The following PCNT variants were observed in gnomAD, a reference collection of about 807,000 sequenced individuals.
PCNT encodes the protein pericentrin.
Under a neutral mutation model 380.4 loss-of-function variants are expected in PCNT, and 319 were observed. That is an observed-to-expected ratio of 0.84 (90% CI 0.77 to 0.92). PCNT has a LOEUF of 0.92. Ranked by LOEUF, PCNT falls within the 40% of genes least tolerant of loss-of-function variation. PCNT has a pLI of 0.00. For synonymous variants in PCNT, 1,845 were observed against 1,735.2 expected (o/e 1.06, Z -1.57); for missense variants, 4,400 against 4,255.3 (o/e 1.03, Z -0.95).
At chr21:46,325,048 C>A (rs997698890) in intron 1 of PCNT, 102 of 985,418 alleles carry the variant, frequency 1.0e-4, no homozygotes, top group Non-Finnish European at 1.2e-4. Context: ...GCGCTCCCGT[C>A]TTTCTCCCGC....
chr21:46,337,669 G>A (rs1049778271), intron 3 of PCNT, among the ~76,000 whole-genome samples: 2 of 152,130 alleles, frequency 1.3e-5, no homozygotes, highest in South Asian at 2.1e-4. Context: ...CGCAATCTCC[G>A]CTTCCCGGAT....
chr21:46,330,476 C>T (rs1447461522), intron 2 of PCNT, among the ~76,000 whole-genome samples: 1 of 152,088 alleles, frequency 6.6e-6, no homozygotes, highest in Non-Finnish European at 1.5e-5. Context: ...TAGAATAGAG[C>T]CATTGTCTTT....
intron 32 of PCNT, among the ~76,000 whole-genome samples, chr21:46,423,170 T>TC (rs1268364149): frequency 1.3e-5 from 2 of 151,900 alleles, no homozygotes; most frequent in Non-Finnish European, 1.5e-5. Flanking sequence ...GAGATTTTTT[T>TC]TTTAATCAGT....
chr21:46,355,359 T>A, intron 11 of PCNT, 93 bp from the exon 12 acceptor site: 1 of 1,357,554 alleles, frequency 7.4e-7, no homozygotes, highest in South Asian at 1.2e-5. Flanking sequence ...TTGAGTTTTC[T>A]TTGTGCATAG....
rs759958419 is a variant in PCNT, at chr21:46,399,588, A to T, written c.4585-2A>T. 6.2e-7 allele frequency: 1 copy of T among 1,605,762 alleles called. No individual in the cohort carries two copies. ...TTCCTCAAGCATTTTTTGTTGTTTT[A>T]GGTTGAGTTGTTACAACAAAAGTTG... On this transcript the variant is annotated splice_acceptor_variant, in intron 24 of 46. Transcript: ENST00000359568. LOFTEE classifies it high-confidence loss of function.
At chr21:46,434,785 T>C (rs2087897875) in intron 38 of PCNT, among the ~76,000 whole-genome samples, 1 of 152,248 alleles carries the variant, frequency 6.6e-6, no homozygotes, top group Non-Finnish European at 1.5e-5. Flanking sequence ...CTCATACGTG[T>C]GTGCATGTTC....
intron 15 of PCNT, among the ~76,000 whole-genome samples, chr21:46,371,907 CAT>C (rs1438381756): frequency 6.7e-6 from 1 of 149,002 alleles, no homozygotes; most frequent in Non-Finnish European, 1.5e-5. Flanking sequence ...ATACACAGCA[CAT>C]GTGCGCACAC....
chr21:46,360,368 C>T (rs1382087766), intron 13 of PCNT, among the ~76,000 whole-genome samples: 29 of 141,258 alleles, frequency 2.1e-4, no homozygotes, highest in East Asian at 2.1e-4. Flanking sequence ...GGACTACAGG[C>T]GCCCGCCACC....
At chr21:46,442,851 A>G (rs981536692) in intron 44 of PCNT, 5 of 502,530 alleles carry the variant, frequency 9.9e-6, no homozygotes, top group Non-Finnish European at 1.8e-5. Flanking sequence ...GTTTAGCAAA[A>G]TGGTCTTTTT....
chr21:46,389,517 C>A, intron 19 of PCNT, 86 bp downstream of exon 19: 1 of 1,073,440 alleles, frequency 9.3e-7, no homozygotes, highest in Non-Finnish European at 1.4e-6. Context: ...ATGCCGGTGC[C>A]AACGACGCTC....
chr21:46,368,403 G>C (rs141169680), intron 15 of PCNT, among the ~76,000 whole-genome samples: 34 of 151,778 alleles, frequency 2.2e-4, no homozygotes, highest in Admixed American at 7.9e-4. Flanking sequence ...ATCCGAGATC[G>C]CACCAGTGCA....
At chr21:46,413,442 C>T (rs2086885080) in intron 29 of PCNT, among the ~76,000 whole-genome samples, 1 of 152,224 alleles carries the variant, frequency 6.6e-6, no homozygotes, top group Non-Finnish European at 1.5e-5. Flanking sequence ...GGGTATTCTG[C>T]TGAGGTGAGG....
Position 46,366,795 on chromosome 21 carries a change from C to T in PCNT, c.2821C>T (p.Leu941=), listed in dbSNP as rs749301135. The T allele has an allele frequency of 5.0e-6, 8 of 1,613,676 alleles. No homozygotes were observed. In the East Asian group the frequency reaches 8.9e-5, roughly 18 times the overall value. The change falls in exon 15 of 47, where the codon CTG becomes TTG. Residue 941 remains leucine, a synonymous_variant. Transcript: ENST00000359568. ...TASLESKQGA[L]LAARVAELQT... ...CTCCTTAGAGAGCAAGCAGGGGGCTCTGCTGGCTGCACGTGTGGCCGAACT... is the reference window on the plus strand; with the variant it reads ...CTCCTTAGAGAGCAAGCAGGGGGCTTTGCTGGCTGCACGTGTGGCCGAACT...
At chr21:46,350,834 A>G (rs956254536) in intron 8 of PCNT, among the ~76,000 whole-genome samples, 2 of 151,966 alleles carry the variant, frequency 1.3e-5, no homozygotes, top group African/African-American at 4.8e-5. Flanking sequence ...CCTGATGCCC[A>G]TGATTGGGAA....
rs1252421607 is a variant in PCNT at position 46,411,957 on chromosome 21, C to T, written c.5884C>T (p.Pro1962Ser). The T allele has an allele frequency of 1.3e-6, 2 of 1,598,834 alleles. No homozygotes were observed. The highest frequency in any genetic ancestry group is 1.7e-6 in the Non-Finnish European group (2 of 1,179,178). The part of the protein sequence containing the change: ...ARRATAHTRV[P>S]GAHPQPRMDG... ...CAGAGCCACAGCTCACACACGGGTG[C>T]CCGGGGCCCACCCACAGCCTCGCAT... is the stretch of plus-strand genomic sequence containing the variant. Residue 1962 changes from proline (P) to serine (S), a missense_variant, in exon 28 of 47, where the codon CCC (proline) becomes TCC (serine). Physicochemically the swap from Pro to Ser is moderately conservative, Grantham distance 74. Coordinates refer to ENST00000359568, the MANE Select transcript of PCNT (RefSeq NM_006031.6).
chr21:46,424,534 G>A (rs2087406385), intron 32 of PCNT, among the ~76,000 whole-genome samples: 2 of 152,244 alleles, frequency 1.3e-5, no homozygotes, highest in Non-Finnish European at 2.9e-5. Context: ...CTGTGGCCCA[G>A]GGCCTCTGCA....
At chr21:46,398,290 G>C in intron 24 of PCNT, 35 bp downstream of exon 24, 1 of 1,583,864 alleles carries the variant, frequency 6.3e-7, no homozygotes, top group Non-Finnish European at 8.6e-7. Context: ...CACTCCCTGC[G>C]CTGGCGCCCA....
In PCNT at chr21:46,430,121, C is replaced by T. The variant is rs551021449; in HGVS notation, c.7802C>T (p.Ala2601Val). The change falls in exon 36 of 47, where the codon GCG becomes GTG. Residue 2601 changes from alanine (A) to valine (V), a missense_variant. By Grantham distance (64) the Ala-to-Val change is moderately conservative. Transcript: ENST00000359568. ...KANSVQKLLAAEQTVVRDLKS... is the reference protein window; with the variant it reads ...KANSVQKLLAVEQTVVRDLKS... Reference sequence around the variant, plus strand: ...AACAGCGTGCAGAAGCTCCTGGCGGCGGAGCAGACTGTAGTGCGAGATTTG... The same window carrying T: ...AACAGCGTGCAGAAGCTCCTGGCGGTGGAGCAGACTGTAGTGCGAGATTTG... 1.4e-5 allele frequency: 23 copies of T among 1,614,132 alleles called. No homozygotes were observed. The highest frequency in any genetic ancestry group is 3.3e-5 in the South Asian group (3 of 91,084).
chr21:46,421,917 G>T, intron 31 of PCNT, 53 bp from the exon 32 acceptor site: 1 of 1,603,684 alleles, frequency 6.2e-7, no homozygotes, highest in South Asian at 1.1e-5. Flanking sequence ...TGCGTCCCCT[G>T]GGGAACCCCC....
Sources: gnomAD v4.1 joint callset for allele counts (sites outside exome capture counted in the v4.1 genomes callset) on GRCh38, gnomAD v4.1.1 for gene constraint, MANE v1.5 for transcripts, NCBI Gene and HGNC (gene_info 2026-07-23, HGNC 2026-07-21) for gene names.